Variants in UNC13C observed in about 807,000 individuals in gnomAD.
The protein encoded by UNC13C is protein unc-13 homolog C.
A neutral mutation model predicts 245.4 loss-of-function variants in UNC13C; 174 were observed. The ratio of observed to expected loss-of-function variants is 0.71; its 90% CI spans 0.63 to 0.80. UNC13C has a LOEUF of 0.80. Among genes scored for constraint, UNC13C ranks in the 30% least tolerant of loss-of-function variants. UNC13C has a pLI of 0.00. For synonymous variants in UNC13C, 992 were observed against 895.1 expected (o/e 1.11, Z -1.93); for missense variants, 2,829 against 2,602.9 (o/e 1.09, Z -1.89).
the UNC13C span, among the ~76,000 whole-genome samples, chr15:53,958,838 A>T: frequency 6.6e-6 from 1 of 152,132 alleles, no homozygotes; most frequent in African/African-American, 2.4e-5. Context: ...CTTTTCAAAT[A>T]TACAATCGAT....
intron 17 of UNC13C, among the ~76,000 whole-genome samples, chr15:54,340,774 G>C (rs2038709330): frequency 6.6e-6 from 1 of 152,062 alleles, no homozygotes. Flanking sequence ...TGTGGGCTCT[G>C]TTTTGGTTCC....
At chr15:54,540,161 G>A (rs1896178570) in intron 26 of UNC13C, among the ~76,000 whole-genome samples, 2 of 151,866 alleles carry the variant, frequency 1.3e-5, no homozygotes, top group Admixed American at 6.6e-5. Context: ...AAATAAGAAA[G>A]GAATACAAAT....
intron 32 of UNC13C, among the ~76,000 whole-genome samples, chr15:54,625,480 T>C (rs1901075131): frequency 2.6e-5 from 4 of 152,104 alleles, no homozygotes; most frequent in Admixed American, 2.6e-4. Flanking sequence ...ATGATAAAAA[T>C]GTTTTAAATC....
At chr15:54,437,008 C>T (rs1362753982) in intron 19 of UNC13C, among the ~76,000 whole-genome samples, 2 of 151,840 alleles carry the variant, frequency 1.3e-5, no homozygotes, top group Admixed American at 1.3e-4. Context: ...AGCCCATAGC[C>T]TGCAAAATTT....
intron 22 of UNC13C, among the ~76,000 whole-genome samples, chr15:54,506,648 C>T (rs1894488571): frequency 6.9e-6 from 1 of 144,614 alleles, no homozygotes; most frequent in Admixed American, 6.9e-5. Flanking sequence ...TTAAACATCT[C>T]TTCTTCAGCT....
rs971296970 is a variant in UNC13C, at chr15:54,377,463, G to A, written c.4714-15585G>A. On this transcript the variant is annotated intron_variant, in intron 17 of 32. Coordinates refer to ENST00000260323, the MANE Select transcript of UNC13C (RefSeq NM_001080534.3). ...CAGCTATTCAGCCTCTGTCATGATT[G>A]GAGCTTTTTAAGCTGTTTATCCTTT... 2.6e-5 allele frequency among the ~76,000 whole-genome samples: 4 copies of A among 152,318 alleles called. No individual in the cohort carries two copies. In the South Asian group the frequency reaches 8.3e-4, roughly 32 times the overall value.
rs1337710960 is a variant in UNC13C at position 54,494,722 on chromosome 15, C to G, written c.5048C>G (p.Pro1683Arg). ...RELPAFKDAV[P>R]EYSLWFEPFV... ...CTTCCTGCCTTCAAGGATGCTGTTC[C>G]TGAATACTCCTTGTAAGTAGTGATT... is the stretch of plus-strand genomic sequence containing the variant. The change falls in exon 20 of 33, where the codon CCT becomes CGT. Residue 1683 changes from proline to arginine, a missense_variant. Pro to Arg is a moderately radical substitution (Grantham distance 103). Transcript: ENST00000260323. The G allele has an allele frequency of 6.2e-7, 1 of 1,609,502 alleles. No homozygotes were observed. The highest frequency in any genetic ancestry group is 1.1e-5 in the South Asian group (1 of 90,094).
intron 25 of UNC13C, among the ~76,000 whole-genome samples, chr15:54,526,993 G>A (rs1895498051): frequency 6.6e-6 from 1 of 152,154 alleles, no homozygotes; most frequent in South Asian, 2.1e-4. Context: ...AGGTGTGTCT[G>A]TAACTTCCTT....
intron 27 of UNC13C, among the ~76,000 whole-genome samples, chr15:54,548,453 T>G (rs1896590993): frequency 6.6e-6 from 1 of 151,982 alleles, no homozygotes; most frequent in Admixed American, 6.6e-5. Context: ...GCATTTTTAA[T>G]ATTCCTTGAG....
In UNC13C at chr15:54,435,576, G is replaced by A. The variant is rs546175314; in HGVS notation, c.4933+20509G>A. 9.2e-4 allele frequency among the ~76,000 whole-genome samples: 140 copies of A among 151,442 alleles called. 1 individual carries two copies. The highest frequency in any genetic ancestry group is 3.2e-3 in the African/African-American group (134 of 41,316). Reference sequence around the variant, plus strand: ...AGAACATCACACACCAGGTCCTCTCGGTGGGTGGGGGTGGGGGACTAGGGG... The same window carrying A: ...AGAACATCACACACCAGGTCCTCTCAGTGGGTGGGGGTGGGGGACTAGGGG... On this transcript the variant is annotated intron_variant, in intron 19 of 32. Transcript: ENST00000260323.
the UNC13C span, among the ~76,000 whole-genome samples, chr15:53,938,008 G>T: frequency 6.6e-6 from 1 of 152,166 alleles, no homozygotes; most frequent in East Asian, 1.9e-4. Flanking sequence ...GCATGATAAT[G>T]ACAGGATCAA....
At chr15:54,367,369 C>A (rs2039388004) in intron 17 of UNC13C, among the ~76,000 whole-genome samples, 1 of 152,154 alleles carries the variant, frequency 6.6e-6, no homozygotes, top group African/African-American at 2.4e-5. Context: ...GTAACAAATT[C>A]TTGATAGATT....
At position 54,567,945 on chromosome 15, in the gene UNC13C, A is replaced by T. The variant is rs1229106297; in HGVS notation, c.6104A>T (p.Gln2035Leu). The change falls in exon 30 of 33, where the codon CAG (glutamine) becomes CTG (leucine). Residue 2035 changes from glutamine to leucine, a missense_variant and splice_region_variant. Transcript: ENST00000260323. ...IKKFIDTQTS[Q>L]SRSSKDAVGQ... is the part of the protein sequence containing the mutation. ...AAATTCATAGATACTCAAACCTCAC[A>T]GAGTAAGTAACACATAGGACCTGAG... is the stretch of plus-strand genomic sequence containing the variant. 6.4e-7 allele frequency: 1 copy of T among 1,562,206 alleles called. No homozygotes were observed. Among genetic ancestry groups the T allele is most frequent in the Non-Finnish European group, 8.7e-7 (1 of 1,152,588 alleles).
intron 4 of UNC13C, among the ~76,000 whole-genome samples, chr15:54,152,584 C>T (rs1897062): frequency 0.98 from 149,556 of 152,296 alleles, 73,499 homozygotes; most frequent in Middle Eastern, 1. Flanking sequence ...CAAATTAAAA[C>T]CACTGATACA....
chr15:54,182,085 T>C (rs2033820653), intron 4 of UNC13C, among the ~76,000 whole-genome samples: 1 of 152,042 alleles, frequency 6.6e-6, no homozygotes, highest in Non-Finnish European at 1.5e-5. Context: ...ATAGGAGTGG[T>C]TAGAGTGAGC....
At chr15:54,496,633 G>A (rs1893961173) in intron 20 of UNC13C, among the ~76,000 whole-genome samples, 1 of 152,010 alleles carries the variant, frequency 6.6e-6, no homozygotes, top group Admixed American at 6.6e-5. Context: ...ATACTACTCA[G>A]CCATAAAAAG....
intron 30 of UNC13C, among the ~76,000 whole-genome samples, chr15:54,612,961 G>T (rs1202500257): frequency 6.6e-6 from 1 of 151,782 alleles, no homozygotes; most frequent in African/African-American, 2.4e-5. Context: ...ATTCAGTGGG[G>T]TCCTAATTTT....
chr15:54,424,398 T>G (rs79377791), intron 19 of UNC13C, among the ~76,000 whole-genome samples: 3,225 of 151,834 alleles, frequency 0.021, 98 homozygotes, highest in African/African-American at 0.072. Flanking sequence ...CCATGGTTTT[T>G]TTTGTTTGTT....
Position 54,015,803 on chromosome 15 carries a change from G to T in UNC13C, c.2900G>T (p.Arg967Ile), listed in dbSNP as rs1448122161. ...EQPVEITKPK[R>I]IRPSFKEAAL... is the part of the protein sequence containing the mutation. Reference sequence around the variant, plus strand: ...CCAGTGGAGATCACAAAGCCAAAGAGAATTCGTCCTTCTTTCAAAGAAGCA... The same window carrying T: ...CCAGTGGAGATCACAAAGCCAAAGATAATTCGTCCTTCTTTCAAAGAAGCA... The change falls in exon 2 of 33, where the codon AGA becomes ATA. Residue 967 changes from arginine to isoleucine, a missense_variant. Physicochemically the swap from Arg to Ile is moderately conservative, Grantham distance 97. Coordinates refer to ENST00000260323, the MANE Select transcript of UNC13C (RefSeq NM_001080534.3). The T allele has an allele frequency of 6.2e-7, 1 of 1,611,696 alleles. No individual in the cohort carries two copies. Among genetic ancestry groups the T allele is most frequent in the Non-Finnish European group, 8.5e-7 (1 of 1,178,764 alleles).
Sources: gnomAD v4.1 joint callset for allele counts (sites outside exome capture counted in the v4.1 genomes callset) on GRCh38, gnomAD v4.1.1 for gene constraint, MANE v1.5 for transcripts, NCBI Gene and HGNC (gene_info 2026-07-23, HGNC 2026-07-21) for gene names.